Variants in SORCS2 observed in about 807,000 individuals in gnomAD.
SORCS2 encodes sortilin related VPS10 domain containing receptor 2.
A neutral mutation model predicts 141.6 loss-of-function variants in SORCS2; 100 were observed. The observed-to-expected ratio is 0.71, with a 90% CI of 0.60 to 0.83. The LOEUF (loss-of-function observed/expected upper bound fraction) is 0.83, where lower values mean the gene tolerates loss of function less well. Ranked by LOEUF, SORCS2 falls within the 40% of genes least tolerant of loss-of-function variation. The probability of loss-of-function intolerance (pLI) is 0.00; values close to 1 mark genes in which losing one functional copy is unlikely to be tolerated. For missense variants in SORCS2, 1,646 were observed against 1,560.2 expected (o/e 1.05, Z -0.93); for synonymous variants, 789 against 676.9 (o/e 1.17, Z -2.57).
At chr4:7,408,822 T>C (rs927659517) in intron 2 of SORCS2, among the ~76,000 whole-genome samples, 9 of 152,288 alleles carry the variant, frequency 5.9e-5, no homozygotes, top group African/African-American at 2.2e-4. Context: ...CTCCTCTGAC[T>C]GTATTTTCAA....
At chr4:7,313,790 C>G (rs1347422357) in intron 1 of SORCS2, among the ~76,000 whole-genome samples, 2 of 152,160 alleles carry the variant, frequency 1.3e-5, no homozygotes, top group Non-Finnish European at 2.9e-5. Context: ...TGCTCAGAAC[C>G]CTCCAGCAGC....
intron 11 of SORCS2, among the ~76,000 whole-genome samples, 187 bp from the exon 12 acceptor site, chr4:7,697,011 G>A (rs947990440): frequency 1.3e-5 from 2 of 152,240 alleles, no homozygotes; most frequent in East Asian, 3.9e-4. Flanking sequence ...TCTTTGGGCA[G>A]GGCTGATCCT....
At chr4:7,435,134 C>T (rs114265863) in intron 2 of SORCS2, among the ~76,000 whole-genome samples, 5 of 152,296 alleles carry the variant, frequency 3.3e-5, no homozygotes, top group African/African-American at 9.6e-5. Flanking sequence ...CTAGCTGATA[C>T]GTGAATGAAG....
At chr4:7,353,309 C>T (rs184965511) in intron 1 of SORCS2, among the ~76,000 whole-genome samples, 337 of 152,326 alleles carry the variant, frequency 2.2e-3, no homozygotes, top group Middle Eastern at 6.8e-3. Flanking sequence ...CAGGGATTCT[C>T]CCAGGGCCCA....
intron 1 of SORCS2, among the ~76,000 whole-genome samples, chr4:7,281,651 C>T (rs1337539644): frequency 6.6e-6 from 1 of 152,206 alleles, no homozygotes; most frequent in Non-Finnish European, 1.5e-5. Flanking sequence ...CTCCATTGGG[C>T]CGTTTGTGTG....
chr4:7,242,193 C>T (rs1712748883), intron 1 of SORCS2, among the ~76,000 whole-genome samples: 1 of 152,082 alleles, frequency 6.6e-6, no homozygotes, highest in East Asian at 1.9e-4. Context: ...CCTTTCAGAG[C>T]CCTGTTGTCT....
intron 3 of SORCS2, among the ~76,000 whole-genome samples, chr4:7,544,955 C>T (rs73075288): frequency 0.032 from 4,834 of 152,226 alleles, 251 homozygotes; most frequent in African/African-American, 0.11. Flanking sequence ...TTCCAATCAG[C>T]GATGTTCTCC....
chr4:7,393,165 C>T (rs1723975547), intron 1 of SORCS2, among the ~76,000 whole-genome samples: 1 of 152,146 alleles, frequency 6.6e-6, no homozygotes, highest in African/African-American at 2.4e-5. Context: ...AGCAGTAGCT[C>T]TTCTTTCCTC....
chr4:7,562,684 T>C (rs749861374), intron 3 of SORCS2, among the ~76,000 whole-genome samples: 15 of 152,342 alleles, frequency 9.8e-5, no homozygotes, highest in Non-Finnish European at 1.5e-4. Flanking sequence ...ATTCTCACAC[T>C]GCTCTGGACC....
chr4:7,645,612 C>G (rs558307538), intron 4 of SORCS2, among the ~76,000 whole-genome samples: 1 of 152,280 alleles, frequency 6.6e-6, no homozygotes, highest in Admixed American at 6.5e-5. Flanking sequence ...CAGGCCCAGA[C>G]AGAAAAAGAA....
At chr4:7,649,325 G>A (rs1721284152) in intron 4 of SORCS2, among the ~76,000 whole-genome samples, 2 of 148,662 alleles carry the variant, frequency 1.3e-5, no homozygotes, top group South Asian at 4.5e-4. Context: ...GAGTGAGCAG[G>A]ATGGCAGCCA....
chr4:7,409,598 G>C (rs955660260), intron 2 of SORCS2, among the ~76,000 whole-genome samples: 14 of 152,210 alleles, frequency 9.2e-5, no homozygotes, highest in Non-Finnish European at 1.5e-4. Context: ...AACCCAAGAT[G>C]ATGGGGAAGC....
chr4:7,216,426 C>T (rs1255351282), intron 1 of SORCS2, among the ~76,000 whole-genome samples: 1 of 152,208 alleles, frequency 6.6e-6, no homozygotes, highest in Admixed American at 6.5e-5. Flanking sequence ...ACAAACTGCA[C>T]AAACTCAGTG....
chr4:7,303,127 A>T (rs1717553952), intron 1 of SORCS2, among the ~76,000 whole-genome samples: 1 of 152,118 alleles, frequency 6.6e-6, no homozygotes, highest in Non-Finnish European at 1.5e-5. Context: ...ACCTAATTTG[A>T]TTTTTCAAAA....
chr4:7,337,044 A>G (rs148144445), intron 1 of SORCS2, among the ~76,000 whole-genome samples: 651 of 152,228 alleles, frequency 4.3e-3, no homozygotes, highest in Non-Finnish European at 7.8e-3. Context: ...GGCTGAGAAG[A>G]GAGAGGCTGG....
chr4:7,715,817 C>A (rs978680290), intron 17 of SORCS2, among the ~76,000 whole-genome samples: 1 of 152,234 alleles, frequency 6.6e-6, no homozygotes, highest in Admixed American at 6.5e-5. Context: ...TTAAATGGCA[C>A]TTCCTCCAGG....
intron 1 of SORCS2, among the ~76,000 whole-genome samples, chr4:7,271,195 T>A (rs1196195955): frequency 6.6e-6 from 1 of 152,176 alleles, no homozygotes; most frequent in Non-Finnish European, 1.5e-5. Context: ...AGAAGGACCC[T>A]GTCAAAACAT....
At chr4:7,342,091 C>T (rs1285896507) in intron 1 of SORCS2, among the ~76,000 whole-genome samples, 1 of 152,138 alleles carries the variant, frequency 6.6e-6, no homozygotes, top group Non-Finnish European at 1.5e-5. Flanking sequence ...TTTGTGTATT[C>T]CTTCATTTGT....
intron 10 of SORCS2, among the ~76,000 whole-genome samples, chr4:7,687,414 C>T (rs1408126270): frequency 1.3e-5 from 2 of 152,300 alleles, no homozygotes; most frequent in Admixed American, 6.5e-5. Flanking sequence ...GCCTGCTTTT[C>T]CACTGTAAGA....
Sources: allele counts gnomAD v4.1 joint callset (sites outside exome capture counted in the v4.1 genomes callset), GRCh38; gene constraint gnomAD v4.1.1; transcripts MANE v1.5; gene names NCBI Gene and HGNC (gene_info 2026-07-23, HGNC 2026-07-21).